FRK: variants seen among roughly 807,000 people sequenced by gnomAD.
FRK encodes fyn related Src family tyrosine kinase, also known as tyrosine-protein kinase FRK.
Under a neutral mutation model 56.4 loss-of-function variants are expected in FRK, and 51 were observed. The observed-to-expected ratio is 0.90, with a 90% CI of 0.72 to 1.14. The LOEUF is 1.14. FRK is among the 50% of genes most tolerant of loss of function. The pLI, the probability that FRK is intolerant of heterozygous loss-of-function variation, is 0.00. For missense variants in FRK, 570 were observed against 601.4 expected, an observed-to-expected ratio of 0.95 and a Z score of 0.55; for synonymous variants, 245 against 217.9, an observed-to-expected ratio of 1.12 and a Z score of -1.10.
At chr6:116,052,044 C>T (rs1777197955) in intron 1 of FRK, among the ~76,000 whole-genome samples, 1 of 152,066 alleles carries the variant, frequency 6.6e-6, no homozygotes, top group African/African-American at 2.4e-5. Flanking sequence ...AAATCCTCTA[C>T]TTTAAATATA....
Position 116,060,027 on chromosome 6 carries a change from T to A in FRK, c.285A>T (p.Gln95His), listed in dbSNP as rs1005330041. The change falls in exon 1 of 8, where the codon CAA becomes CAT. Residue 95 changes from glutamine to histidine, a missense_variant. Physicochemically the swap from Gln to His is conservative, Grantham distance 24 (BLOSUM62 0). Coordinates refer to ENST00000606080, the MANE Select transcript of FRK (RefSeq NM_002031.3). ...AGTTAGAAGGAATATAGCCTTGTAG[T>A]TGCTGACTGGAGCCATCTCGTCTTT... ...LEKRRDGSSQ[Q>H]LQGYIPSNYV... 2.5e-6 allele frequency: 4 copies of A among 1,614,214 alleles called. No homozygotes were observed. Among genetic ancestry groups the A allele is most frequent in the Middle Eastern group, 1.6e-4 (1 of 6,062 alleles).
chr6:115,962,222 C>CA (rs1773401807), intron 4 of FRK, among the ~76,000 whole-genome samples: 2 of 127,928 alleles, frequency 1.6e-5, no homozygotes, highest in Non-Finnish European at 3.3e-5. Flanking sequence ...CAATGGAAAA[C>CA]AAAAAAAGGC....
At chr6:115,954,019 C>T (rs1772893151) in intron 5 of FRK, among the ~76,000 whole-genome samples, 1 of 152,050 alleles carries the variant, frequency 6.6e-6, no homozygotes, top group South Asian at 2.1e-4. Flanking sequence ...CTTTAAGAGT[C>T]AGTAGAAAGA....
chr6:116,061,399 A>AACACACACACAC (rs3049929), upstream of FRK, among the ~76,000 whole-genome samples: 86 of 146,676 alleles, frequency 5.9e-4, no homozygotes, highest in Middle Eastern at 3.5e-3. Context: ...CTATTTGGGA[A>AACACACACACAC]ACACACACAC....
chr6:115,991,789 T>G (rs1018711738), intron 2 of FRK, among the ~76,000 whole-genome samples: 1 of 151,742 alleles, frequency 6.6e-6, no homozygotes, highest in Non-Finnish European at 1.5e-5. Context: ...TTTTGTAGAA[T>G]GAGTTAGAGA....
intron 1 of FRK, among the ~76,000 whole-genome samples, chr6:116,044,616 C>T (rs1299214236): frequency 6.6e-6 from 1 of 152,212 alleles, no homozygotes; most frequent in African/African-American, 2.4e-5. Flanking sequence ...GACAAACCCA[C>T]AGCCAATATC....
chr6:115,981,020 T>G (rs1774179242), intron 2 of FRK, among the ~76,000 whole-genome samples: 1 of 152,130 alleles, frequency 6.6e-6, no homozygotes, highest in Admixed American at 6.6e-5. Context: ...TTAAAACCTT[T>G]TGGAGATATA....
chr6:116,060,116 C>G lies in FRK; in HGVS notation c.196G>C (p.Gly66Arg). ...GTGTCCAGAACTTGAAGTTTGTCACCTGCTCGGAAGCTCAAGTCCTCAGCA... is the reference window on the plus strand; with the variant it reads ...GTGTCCAGAACTTGAAGTTTGTCACGTGCTCGGAAGCTCAAGTCCTCAGCA... The part of the protein sequence containing the change: ...RTAEDLSFRA[G>R]DKLQVLDTLH... The change falls in exon 1 of 8, where the codon GGT becomes CGT. Residue 66 changes from glycine (G) to arginine (R), a missense_variant. Physicochemically the swap from Gly to Arg is moderately radical, Grantham distance 125. Coordinates refer to ENST00000606080, the MANE Select transcript of FRK (RefSeq NM_002031.3). The G allele has an allele frequency of 6.2e-7, 1 of 1,614,204 alleles. No individual in the cohort carries two copies. The highest frequency in any genetic ancestry group is 8.5e-7 in the Non-Finnish European group (1 of 1,180,038).
intron 1 of FRK, among the ~76,000 whole-genome samples, chr6:116,048,109 C>A (rs369262028): frequency 2.6e-5 from 4 of 152,322 alleles, no homozygotes; most frequent in African/African-American, 9.6e-5. Flanking sequence ...AAATATTCTG[C>A]AGTTCTTATA....
At chr6:116,004,675 C>A (rs1405268621) in intron 1 of FRK, among the ~76,000 whole-genome samples, 1 of 152,148 alleles carries the variant, frequency 6.6e-6, no homozygotes, top group Non-Finnish European at 1.5e-5. Flanking sequence ...CCCCTCTTAT[C>A]TTTACCATTC....
the FRK span, among the ~76,000 whole-genome samples, chr6:116,072,536 C>CAA: frequency 4.5e-5 from 6 of 132,966 alleles, no homozygotes; most frequent in Non-Finnish European, 8.5e-5. Context: ...AATAAACACA[C>CAA]ACACACACAC....
chr6:116,020,877 C>A (rs1308775217), intron 1 of FRK, among the ~76,000 whole-genome samples: 6 of 152,034 alleles, frequency 3.9e-5, no homozygotes. Flanking sequence ...CCAGCTGCAA[C>A]AATTATAATT....
intron 1 of FRK, among the ~76,000 whole-genome samples, chr6:116,017,145 G>C (rs1341527032): frequency 2.6e-5 from 4 of 151,924 alleles, no homozygotes; most frequent in Non-Finnish European, 4.4e-5. Context: ...AAGGCAGACT[G>C]AGAGAAGAAA....
chr6:116,006,518 T>C (rs1182864982), intron 1 of FRK, among the ~76,000 whole-genome samples: 5 of 152,212 alleles, frequency 3.3e-5, no homozygotes, highest in African/African-American at 1.2e-4. Flanking sequence ...ACTTCTAGAC[T>C]ACATGCTGTA....
At chr6:115,986,271 G>A (rs964952965) in intron 2 of FRK, among the ~76,000 whole-genome samples, 2 of 151,892 alleles carry the variant, frequency 1.3e-5, no homozygotes, top group African/African-American at 2.4e-5. Flanking sequence ...TCTGCTCTCC[G>A]CCATGAGAAA....
chr6:115,944,204 G>A (rs1256377988), intron 6 of FRK, 40 bp downstream of exon 6: 5 of 1,510,826 alleles, frequency 3.3e-6, no homozygotes, highest in Admixed American at 1.8e-5. Flanking sequence ...TTAGACTTTT[G>A]ACCTATTACA....
At chr6:115,977,678 CT>C (rs1487887004) in intron 2 of FRK, among the ~76,000 whole-genome samples, 18 of 152,246 alleles carry the variant, frequency 1.2e-4, no homozygotes, top group African/African-American at 4.1e-4. Context: ...TAATCAACAA[CT>C]TTTGTAGGCA....
the FRK span, among the ~76,000 whole-genome samples, chr6:116,086,199 A>G: frequency 1.3e-5 from 2 of 152,116 alleles, no homozygotes; most frequent in African/African-American, 4.8e-5. Flanking sequence ...ATGACATTTT[A>G]AAAATACAGC....
At position 115,953,180 on chromosome 6, in the gene FRK, A is replaced by ACTTTTTTTTTTTTTTT. The variant is rs34026302; in HGVS notation, c.958+3271_958+3272insAAAAAAAAAAAAAAAG. 6.7e-5 allele frequency among the ~76,000 whole-genome samples: 7 copies of ACTTTTTTTTTTTTTTT among 104,032 alleles called. 3 individuals carry two copies. Among genetic ancestry groups the ACTTTTTTTTTTTTTTT allele is most frequent in the African/African-American group, 7.3e-5 (2 of 27,214 alleles). The allele number at this position is 104,032 out of a possible 152,430, so 68.2% of individuals were successfully genotyped here. A position where few individuals can be genotyped will look rare whatever the true frequency, so the allele number is the denominator to read the frequency against. The stretch of plus-strand genomic sequence containing the variant: ...AGAGTGGTACATCCATTTTAAGGCC[A>ACTTTTTTTTTTTTTTT]TTTTTTTTTTTTTTTTTTTTTTTTT... On this transcript the variant is annotated intron_variant, in intron 5 of 7. Coordinates refer to ENST00000606080, the MANE Select transcript of FRK (RefSeq NM_002031.3).
Sources: gnomAD v4.1 joint callset for allele counts (sites outside exome capture counted in the v4.1 genomes callset) on GRCh38, gnomAD v4.1.1 for gene constraint, MANE v1.5 for transcripts, NCBI Gene and HGNC (gene_info 2026-07-23, HGNC 2026-07-21) for gene names.